Variants in SOX6 observed in about 807,000 individuals in gnomAD.
SOX6 encodes the protein transcription factor SOX-6.
SOX6 carries 11 observed loss-of-function variants against 97.8 expected under a neutral mutation model. The observed-to-expected ratio is 0.11, with a 90% CI of 0.07 to 0.19. The LOEUF is 0.19. Among genes scored for constraint, SOX6 ranks in the 10% least tolerant of loss-of-function variants. The pLI, the probability that SOX6 is intolerant of heterozygous loss-of-function variation, is 1.00. For synonymous variants in SOX6, 360 were observed against 371.4 expected (o/e 0.97, Z 0.35); for missense variants, 810 against 1,039.5 (o/e 0.78, Z 3.04).
chr11:16,326,302 C>G (rs1856087933), intron 2 of SOX6, among the ~76,000 whole-genome samples: 1 of 152,090 alleles, frequency 6.6e-6, no homozygotes, highest in Admixed American at 6.6e-5. Context: ...TCATCCTCCT[C>G]TGATGCACTC....
At chr11:16,247,474 C>T (rs1853372801) in intron 3 of SOX6, among the ~76,000 whole-genome samples, 1 of 152,052 alleles carries the variant, frequency 6.6e-6, no homozygotes, top group Non-Finnish European at 1.5e-5. Context: ...ATAAAGAAAA[C>T]AGCTTTAATT....
At chr11:16,275,628 T>C (rs1342929752) in intron 3 of SOX6, among the ~76,000 whole-genome samples, 1 of 152,330 alleles carries the variant, frequency 6.6e-6, no homozygotes, top group Admixed American at 6.5e-5. Flanking sequence ...AGGGCCTATT[T>C]GATAAGGGAA....
intron 3 of SOX6, chr11:16,646,147 G>C (rs1043684941): frequency 2.6e-5 from 4 of 152,138 alleles, no homozygotes; most frequent in African/African-American, 9.7e-5. Context: ...TTATGACAGA[G>C]AGAAAAAGCA....
intron 3 of SOX6, among the ~76,000 whole-genome samples, chr11:16,684,930 C>T (rs56184871): frequency 0.35 from 53,161 of 151,662 alleles, 10,050 homozygotes; most frequent in Non-Finnish European, 0.42. Context: ...GCAGGTGAAG[C>T]GGTACCAGAC....
chr11:16,148,156 T>C (rs551650637), intron 6 of SOX6, among the ~76,000 whole-genome samples: 1 of 152,310 alleles, frequency 6.6e-6, no homozygotes, highest in East Asian at 1.9e-4. Context: ...ATTCTTAACA[T>C]TTAAAGACAA....
At chr11:15,998,360 A>G (rs962115723) in intron 13 of SOX6, among the ~76,000 whole-genome samples, 2 of 150,542 alleles carry the variant, frequency 1.3e-5, no homozygotes, top group African/African-American at 4.8e-5. Context: ...ATACTTGGGA[A>G]TAAATTTAAC....
rs1175644313 is a variant in SOX6 at position 16,705,883 on chromosome 11, A to C, written n.429+8947T>G. On this transcript the variant is annotated intron_variant and non_coding_transcript_variant, in intron 3 of 5. Transcript: ENST00000524520. ...GAAAGGAATAAAAACAGTACAATAG[A>C]ACATATCTAATTAACATAAAAGAAG... 2.0e-5 allele frequency among the ~76,000 whole-genome samples: 3 copies of C among 150,336 alleles called. No individual in the cohort carries two copies. In the South Asian group the frequency reaches 6.2e-4, roughly 31 times the overall value.
intron 3 of SOX6, among the ~76,000 whole-genome samples, chr11:16,690,412 AT>A (rs1848004022): frequency 6.6e-6 from 1 of 152,178 alleles, no homozygotes; most frequent in Non-Finnish European, 1.5e-5. Flanking sequence ...CCATTTTAAA[AT>A]TCAAAGCCAA....
chr11:16,303,387 A>G (rs1460424328), intron 3 of SOX6, among the ~76,000 whole-genome samples: 1 of 152,188 alleles, frequency 6.6e-6, no homozygotes, highest in Non-Finnish European at 1.5e-5. Flanking sequence ...AATGTAAAAT[A>G]ACAAATACTT....
intron 3 of SOX6, among the ~76,000 whole-genome samples, chr11:16,253,512 G>T (rs1212068224): frequency 6.6e-6 from 1 of 152,092 alleles, no homozygotes; most frequent in South Asian, 2.1e-4. Context: ...TGCATAATGT[G>T]AGCAGAGAGA....
chr11:16,234,273 A>G (rs1852948542), intron 4 of SOX6, among the ~76,000 whole-genome samples: 1 of 152,148 alleles, frequency 6.6e-6, no homozygotes, highest in African/African-American at 2.4e-5. Flanking sequence ...GAAAACTAAG[A>G]CTATCTTTAG....
chr11:16,595,165 C>G lies in SOX6; in HGVS notation n.609+16916G>C, dbSNP rs907117969. On this transcript the variant is annotated intron_variant and non_coding_transcript_variant, in intron 4 of 5. Transcript: ENST00000524520. ...TCCTTTACTAAATTTCAGAACCTTT[C>G]TTTTTAATGTAGAGATTTCATCATT... 8.6e-5 allele frequency among the ~76,000 whole-genome samples: 13 copies of G among 151,994 alleles called. 1 individual carries two copies. In the South Asian group the frequency reaches 2.5e-3, roughly 29 times the overall value.
chr11:16,258,271 G>A (rs1319682094), intron 3 of SOX6, among the ~76,000 whole-genome samples: 1 of 151,954 alleles, frequency 6.6e-6, no homozygotes, highest in Admixed American at 6.6e-5. Flanking sequence ...GTTTATAGCA[G>A]CTTCATTCAT....
chr11:16,120,055 C>G (rs1296794006), intron 6 of SOX6, among the ~76,000 whole-genome samples: 1 of 151,494 alleles, frequency 6.6e-6, no homozygotes, highest in Non-Finnish European at 1.5e-5. Context: ...TCAATCTTTG[C>G]TTGCTTCTGT....
intron 4 of SOX6, among the ~76,000 whole-genome samples, chr11:16,576,636 G>A (rs2133202118): frequency 6.6e-6 from 1 of 152,038 alleles, no homozygotes; most frequent in Non-Finnish European, 1.5e-5. Context: ...AATATACTAA[G>A]CTGAGAAATA....
intron 4 of SOX6, among the ~76,000 whole-genome samples, chr11:16,515,094 T>C (rs1440092558): frequency 1.1e-4 from 17 of 149,382 alleles, no homozygotes; most frequent in African/African-American, 3.0e-4. Flanking sequence ...ATGGTATTTC[T>C]AGTTCTAGAT....
chr11:16,582,729 G>T lies in SOX6; in HGVS notation n.609+29352C>A, dbSNP rs1182170980. ...TTTTTAAATCTAGATAAAATAGTGG[G>T]TTTCTCAGTAAAATATAATTACCAA... On this transcript the variant is annotated intron_variant and non_coding_transcript_variant, in intron 4 of 5. Coordinates refer to the SOX6 transcript ENST00000524520. 2.6e-5 allele frequency among the ~76,000 whole-genome samples: 4 copies of T among 151,948 alleles called. No individual in the cohort carries two copies. The East Asian group carries it at 5.8e-4, about 22-fold the overall frequency.
At chr11:15,983,658 T>C (rs1268455479) in intron 15 of SOX6, among the ~76,000 whole-genome samples, 2 of 152,080 alleles carry the variant, frequency 1.3e-5, no homozygotes, top group African/African-American at 2.4e-5. Context: ...TACAAATCCT[T>C]AAGCAGAAAT....
chr11:16,423,028 T>G (rs1032338742), intron 1 of SOX6, among the ~76,000 whole-genome samples: 2 of 152,196 alleles, frequency 1.3e-5, no homozygotes, highest in African/African-American at 4.8e-5. Context: ...AATCCTCCAG[T>G]GGCTTCCTAT....
Sources: gnomAD v4.1 joint callset for allele counts (sites outside exome capture counted in the v4.1 genomes callset) on GRCh38, gnomAD v4.1.1 for gene constraint, MANE v1.5 for transcripts, NCBI Gene and HGNC (gene_info 2026-07-23, HGNC 2026-07-21) for gene names.